ADGB: variants seen among roughly 807,000 people sequenced by gnomAD.
ADGB encodes the protein androglobin.
A neutral mutation model predicts 210.5 loss-of-function variants in ADGB; 172 were observed. The observed-to-expected ratio is 0.82, with a 90% CI of 0.72 to 0.93. The LOEUF (loss-of-function observed/expected upper bound fraction) is 0.93, where lower values mean the gene tolerates loss of function less well. ADGB is among the 40% of genes least tolerant of loss of function. ADGB has a pLI of 0.00. For missense variants in ADGB, 2,025 were observed against 1,964.8 expected (o/e 1.03, Z -0.58); for synonymous variants, 658 against 662.7 (o/e 0.99, Z 0.11).
At position 146,664,371 on chromosome 6, in the gene ADGB, A is replaced by T. The variant is rs1775909156; in HGVS notation, c.752+31A>T. 3.3e-6 allele frequency: 5 copies of T among 1,509,008 alleles called. No homozygotes were observed. In the African/African-American group the frequency reaches 5.6e-5, roughly 17 times the overall value. The allele number at this position is 1,509,008 out of a possible 1,614,324, so 93.5% of individuals were successfully genotyped here. A position where few individuals can be genotyped will look rare whatever the true frequency, so the allele number is the denominator to read the frequency against. ...TAATGACACTATCACTCACATGAATAAAAAAAGCAAACAAAAACATTAACT... is the reference window on the plus strand; with the variant it reads ...TAATGACACTATCACTCACATGAATTAAAAAAGCAAACAAAAACATTAACT... On this transcript the variant is annotated intron_variant, in intron 6 of 35. Coordinates refer to ENST00000397944, the MANE Select transcript of ADGB (RefSeq NM_024694.4).
At chr6:146,715,495 C>T in intron 14 of ADGB, 80 bp downstream of exon 14, 2 of 959,910 alleles carry the variant, frequency 2.1e-6, no homozygotes, top group South Asian at 3.8e-5. Flanking sequence ...GACAGCTTCC[C>T]TTCTGGCTCT....
chr6:146,625,810 T>C (rs531127401), intron 1 of ADGB, among the ~76,000 whole-genome samples: 19 of 152,184 alleles, frequency 1.2e-4, no homozygotes, highest in Admixed American at 5.9e-4. Flanking sequence ...GTCTTCAGTG[T>C]GTGTTGCTAG....
chr6:146,801,226 T>G lies in ADGB; in HGVS notation c.4581T>G (p.Ser1527=). 1 of 1,514,732 alleles carries G rather than the reference T, an allele frequency of 6.6e-7. No homozygotes were observed. Among genetic ancestry groups the G allele is most frequent in the South Asian group, 1.3e-5 (1 of 77,910 alleles). 93.8% of individuals were successfully genotyped at this position (1,514,732 alleles called of 1,614,324 possible). A position where few individuals can be genotyped will look rare whatever the true frequency, so the allele number is the denominator to read the frequency against. The change falls in exon 34 of 36, where the codon TCT becomes TCG. Residue 1527 remains serine, a synonymous_variant. Transcript: ENST00000397944. The part of the protein sequence containing the change: ...RTRSPTILET[S]PRLIRKALEF... ...GATCTCCAACAATTTTGGAAACATC[T>G]CCACGACTTATTCGAAAAGCACTAG...
At position 146,788,735 on chromosome 6, in the gene ADGB, T is replaced by C. The variant is rs979046593; in HGVS notation, c.4537+125T>C. The stretch of plus-strand genomic sequence containing the variant: ...GTAGAAAAGATGTCTTTCCGATATA[T>C]AGATTTTCATTTTACTTAATGGAGT... On this transcript the variant is annotated intron_variant, in intron 33 of 35. Transcript: ENST00000397944. 4.2e-5 allele frequency: 38 copies of C among 903,240 alleles called. 1 individual carries two copies. The Admixed American group carries it at 9.4e-4, about 22-fold the overall frequency. The allele number at this position is 903,240 out of a possible 1,614,324, so 56.0% of individuals were successfully genotyped here.
chr6:146,699,035 C>T (rs1315996357), intron 12 of ADGB, among the ~76,000 whole-genome samples: 1 of 152,168 alleles, frequency 6.6e-6, no homozygotes, highest in Non-Finnish European at 1.5e-5. Context: ...GTTAATGCTT[C>T]ATGATTTCTG....
In ADGB at chr6:146,815,447, T is replaced by A. The variant is rs907024208; in HGVS notation, c.*230T>A. 3 of 281,110 alleles carry A rather than the reference T, an allele frequency of 1.1e-5. No individual in the cohort carries two copies. The highest frequency in any genetic ancestry group is 4.4e-5 in the African/African-American group (2 of 45,508). 17.4% of individuals were successfully genotyped at this position (281,110 alleles called of 1,614,324 possible). On this transcript the variant is annotated 3_prime_UTR_variant, in exon 36 of 36. Transcript: ENST00000397944. ...TAGCTTCCAAATATTTAATAAAATA[T>A]GTTTGACACTCTAAACTGCCTGCAT... is the stretch of plus-strand genomic sequence containing the variant.
At chr6:146,770,304 C>T in intron 29 of ADGB, 1 of 177,140 alleles carries the variant, frequency 5.6e-6, no homozygotes, top group Non-Finnish European at 1.2e-5. Context: ...CTGTTATTGC[C>T]AGGCTTACTT....
At chr6:146,784,437 G>A (rs73584863) in intron 30 of ADGB, among the ~76,000 whole-genome samples, 181 bp from the exon 31 acceptor site, 1 of 152,162 alleles carries the variant, frequency 6.6e-6, no homozygotes, top group African/African-American at 2.4e-5. Context: ...ATATATGTTG[G>A]TTTTTTGTGT....
chr6:146,753,847 G>A (rs1468023587), intron 27 of ADGB, among the ~76,000 whole-genome samples: 1 of 151,592 alleles, frequency 6.6e-6, no homozygotes, highest in East Asian at 1.9e-4. Context: ...ATCTCTATGA[G>A]TTTTTTTCTC....
At position 146,801,166 on chromosome 6, in the gene ADGB, G is replaced by C; in HGVS notation, c.4538-17G>C. ...TTAAAGCCTAGGTTTTTTGTTGTGT[G>C]TGTGTTTTTTTTAAAGAAACAGGAC... On this transcript the variant is annotated splice_polypyrimidine_tract_variant and intron_variant, in intron 33 of 35. Coordinates refer to ENST00000397944, the MANE Select transcript of ADGB (RefSeq NM_024694.4). The C allele has an allele frequency of 7.1e-7, 1 of 1,411,888 alleles. No homozygotes were observed. Among genetic ancestry groups the C allele is most frequent in the Non-Finnish European group, 9.5e-7 (1 of 1,057,730 alleles). 87.5% of individuals were successfully genotyped at this position (1,411,888 alleles called of 1,614,324 possible). A position where few individuals can be genotyped will look rare whatever the true frequency, so the allele number is the denominator to read the frequency against.
chr6:146,711,306 A>G (rs549212961), intron 13 of ADGB, among the ~76,000 whole-genome samples: 4 of 151,900 alleles, frequency 2.6e-5, no homozygotes, highest in Non-Finnish European at 4.4e-5. Flanking sequence ...TAACCTCTCT[A>G]TCCATCATTT....
At chr6:146,678,350 C>T (rs1262254335) in intron 9 of ADGB, among the ~76,000 whole-genome samples, 1 of 152,172 alleles carries the variant, frequency 6.6e-6, no homozygotes, top group Non-Finnish European at 1.5e-5. Flanking sequence ...CCTCAACCTC[C>T]CAAGTAGCTG....
rs964203398 is a variant in ADGB, at chr6:146,802,726, CT to C, written c.4818+722del. ...CACAGTTCACAGTTCTCAGACGAGA[CT>C]TTTTTTGTAAATTACACAGTTCAGG... On this transcript the variant is annotated intron_variant, in intron 35 of 35. Coordinates refer to ENST00000397944, the MANE Select transcript of ADGB (RefSeq NM_024694.4). 7.7e-5 allele frequency: 111 copies of C among 1,449,624 alleles called. No homozygotes were observed. In the African/African-American group the frequency reaches 1.4e-3, roughly 18 times the overall value. 89.8% of individuals were successfully genotyped at this position (1,449,624 alleles called of 1,614,324 possible).
At chr6:146,700,407 CACTT>C (rs1244326258) in intron 12 of ADGB, among the ~76,000 whole-genome samples, 2 of 152,168 alleles carry the variant, frequency 1.3e-5, no homozygotes, top group Non-Finnish European at 2.9e-5. Flanking sequence ...CTTTAAAACA[CACTT>C]ACTTAAAAAA....
Position 146,672,387 on chromosome 6 carries a change from T to G in ADGB, c.1007T>G (p.Val336Gly). Residue 336 changes from valine (V) to glycine (G), a missense_variant, in exon 8 of 36, where the codon GTA (valine) becomes GGA (glycine). By Grantham distance (109) the Val-to-Gly change is moderately radical. Transcript: ENST00000397944. The part of the protein sequence containing the change: ...EGKEIKDGKE[V>G]KDVKEFKPES... ...AAAGAAATAAAGGATGGAAAGGAAG[T>G]AAAAGACGTGAAGGAATTCAAACCT... 6.4e-7 allele frequency: 1 copy of G among 1,551,160 alleles called. No homozygotes were observed.
chr6:146,709,922 A>G (rs766139520), intron 13 of ADGB, among the ~76,000 whole-genome samples: 3 of 152,076 alleles, frequency 2.0e-5, no homozygotes, highest in African/African-American at 2.4e-5. Flanking sequence ...ATATTTTCTT[A>G]TGTGGATTAT....
intron 10 of ADGB, among the ~76,000 whole-genome samples, chr6:146,686,797 A>G (rs952494377): frequency 2.6e-5 from 4 of 152,264 alleles, no homozygotes; most frequent in Admixed American, 1.3e-4. Context: ...GTCTGAAGTC[A>G]CTACATTAAA....
At position 146,676,361 on chromosome 6, in the gene ADGB, A is replaced by C. The variant is rs1776084561; in HGVS notation, c.1136A>C (p.Glu379Ala). Residue 379 changes from glutamate to alanine, a missense_variant, in exon 9 of 36, where the codon GAA (glutamate) becomes GCA (alanine). Coordinates refer to ENST00000397944, the MANE Select transcript of ADGB (RefSeq NM_024694.4). ...DIGKKRSKDG[E>A]KEKFKFSLHG... Reference sequence around the variant, plus strand: ...GGAAAGAAGAGAAGCAAAGATGGAGAAAAAGAAAAATTCAAATTCTCACTT... The same window carrying C: ...GGAAAGAAGAGAAGCAAAGATGGAGCAAAAGAAAAATTCAAATTCTCACTT... 1 of 1,549,640 alleles carries C rather than the reference A, an allele frequency of 6.5e-7. No homozygotes were observed. The highest frequency in any genetic ancestry group is 8.7e-7 in the Non-Finnish European group (1 of 1,145,740).
intron 35 of ADGB, among the ~76,000 whole-genome samples, chr6:146,810,373 C>G (rs902553195): frequency 6.6e-6 from 1 of 152,032 alleles, no homozygotes; most frequent in Non-Finnish European, 1.5e-5. Context: ...TTGCAATAGC[C>G]GTTACAGAAA....
Sources: allele counts gnomAD v4.1 joint callset (sites outside exome capture counted in the v4.1 genomes callset), GRCh38; gene constraint gnomAD v4.1.1; transcripts MANE v1.5; gene names NCBI Gene and HGNC (gene_info 2026-07-23, HGNC 2026-07-21).